PTPRD: variants seen among roughly 807,000 people sequenced by gnomAD.
The protein encoded by PTPRD is receptor-type tyrosine-protein phosphatase delta.
In PTPRD, 34 loss-of-function variants were observed where a neutral mutation model predicts 214.5. That is an observed-to-expected ratio of 0.16 (90% CI 0.12 to 0.21). The LOEUF (loss-of-function observed/expected upper bound fraction) is 0.21. PTPRD is among the 10% of genes least tolerant of loss of function. The probability of loss-of-function intolerance (pLI) is 1.00; values close to 1 mark genes in which losing one functional copy is unlikely to be tolerated. For missense variants in PTPRD, 2,545 were observed against 2,398.7 expected (o/e 1.06, Z -1.27); for synonymous variants, 1,128 against 845.7 (o/e 1.33, Z -5.79).
chr9:10,600,905 C>G (rs2077797090), intron 2 of PTPRD, among the ~76,000 whole-genome samples: 1 of 151,686 alleles, frequency 6.6e-6, no homozygotes, highest in African/African-American at 2.4e-5. Flanking sequence ...GACAGCCTCT[C>G]CAACAGAGAA....
intron 35 of PTPRD, among the ~76,000 whole-genome samples, chr9:8,425,334 C>A (rs1296462531): frequency 6.6e-6 from 1 of 152,172 alleles, no homozygotes; most frequent in Non-Finnish European, 1.5e-5. Flanking sequence ...GAAGTGATTT[C>A]CATGACTTTT....
At chr9:9,362,673 G>A (rs191370463) in intron 9 of PTPRD, among the ~76,000 whole-genome samples, 87 of 151,224 alleles carry the variant, frequency 5.8e-4, no homozygotes, top group Non-Finnish European at 9.8e-4. Flanking sequence ...GGGCCAATAC[G>A]TGCTCACAGC....
At chr9:8,351,335 A>G (rs532796081) in intron 39 of PTPRD, among the ~76,000 whole-genome samples, 1 of 152,280 alleles carries the variant, frequency 6.6e-6, no homozygotes, top group Admixed American at 6.5e-5. Flanking sequence ...AAATCAGAAT[A>G]GTTCTGAGAA....
chr9:10,023,441 G>C (rs10809012), intron 4 of PTPRD, among the ~76,000 whole-genome samples: 3 of 151,908 alleles, frequency 2.0e-5, no homozygotes, highest in Non-Finnish European at 4.4e-5. Context: ...TTCTGCACAT[G>C]ATTTCTTCCA....
At chr9:8,465,173 C>T (rs2096520959) in intron 32 of PTPRD, among the ~76,000 whole-genome samples, 1 of 151,884 alleles carries the variant, frequency 6.6e-6, no homozygotes, top group Non-Finnish European at 1.5e-5. Context: ...GTTCTAACAC[C>T]ATGATATTTG....
intron 2 of PTPRD, among the ~76,000 whole-genome samples, chr9:10,510,247 G>T (rs1347423947): frequency 6.6e-6 from 1 of 151,988 alleles, no homozygotes; most frequent in Non-Finnish European, 1.5e-5. Context: ...TGTTAATACA[G>T]TTAGAATCGT....
intron 3 of PTPRD, among the ~76,000 whole-genome samples, chr9:10,207,367 T>A (rs536557772): frequency 2.0e-5 from 3 of 152,256 alleles, no homozygotes; most frequent in African/African-American, 7.2e-5. Context: ...ATGAGAGACA[T>A]TGGTCTGTAA....
intron 12 of PTPRD, among the ~76,000 whole-genome samples, chr9:8,667,159 C>A (rs62528770): frequency 2.6e-5 from 4 of 151,968 alleles, no homozygotes; most frequent in South Asian, 2.1e-4. Context: ...GCCAACATGG[C>A]GAAACCCCAT....
chr9:9,710,371 A>G (rs775993212), intron 7 of PTPRD, among the ~76,000 whole-genome samples: 1 of 152,110 alleles, frequency 6.6e-6, no homozygotes, highest in East Asian at 1.9e-4. Flanking sequence ...TGTACTTACA[A>G]TGGGAAAGGT....
At chr9:10,328,456 T>C (rs2096686985) in intron 3 of PTPRD, among the ~76,000 whole-genome samples, 1 of 151,690 alleles carries the variant, frequency 6.6e-6, no homozygotes, top group African/African-American at 2.4e-5. Flanking sequence ...GAAATCATTT[T>C]TTAAAATGTG....
At chr9:10,204,448 C>G (rs977733752) in intron 3 of PTPRD, among the ~76,000 whole-genome samples, 1 of 152,020 alleles carries the variant, frequency 6.6e-6, no homozygotes, top group African/African-American at 2.4e-5. Context: ...GGGGAAGGAC[C>G]TCATTCATGG....
At chr9:10,534,729 G>C (rs1248109119) in intron 2 of PTPRD, among the ~76,000 whole-genome samples, 1 of 152,088 alleles carries the variant, frequency 6.6e-6, no homozygotes, top group African/African-American at 2.4e-5. Flanking sequence ...AAAAAAAGCA[G>C]ATTACTTTTA....
At chr9:8,585,316 C>T (rs1256467873) in intron 14 of PTPRD, among the ~76,000 whole-genome samples, 1 of 152,106 alleles carries the variant, frequency 6.6e-6, no homozygotes, top group African/African-American at 2.4e-5. Flanking sequence ...ATAAAAAGAA[C>T]AGGAAATTGT....
intron 12 of PTPRD, among the ~76,000 whole-genome samples, chr9:8,691,158 C>G (rs902901051): frequency 2.0e-5 from 3 of 152,002 alleles, no homozygotes; most frequent in African/African-American, 7.2e-5. Context: ...CCGAATATTC[C>G]CCATGGCCAC....
intron 37 of PTPRD, among the ~76,000 whole-genome samples, chr9:8,386,439 T>C (rs979696662): frequency 9.9e-5 from 15 of 152,220 alleles, no homozygotes; most frequent in African/African-American, 3.4e-4. Flanking sequence ...ATTTTCTTCA[T>C]GTACCATAGG....
chr9:8,949,228 A>AT (rs1481801811), intron 11 of PTPRD, among the ~76,000 whole-genome samples: 3 of 151,082 alleles, frequency 2.0e-5, no homozygotes, highest in African/African-American at 7.3e-5. Flanking sequence ...CATCTCAAAA[A>AT]AAGAAAAAAA....
intron 3 of PTPRD, among the ~76,000 whole-genome samples, chr9:10,099,087 G>C (rs1164290806): frequency 2.0e-5 from 3 of 151,720 alleles, no homozygotes; most frequent in African/African-American, 7.3e-5. Flanking sequence ...ATTAATAAAT[G>C]ACATTGCTCT....
chr9:9,073,561 A>G (rs753431173), intron 10 of PTPRD, among the ~76,000 whole-genome samples: 1 of 152,114 alleles, frequency 6.6e-6, no homozygotes, highest in South Asian at 2.1e-4. Context: ...GCTGAAGGCC[A>G]AGACTGAGGT....
At chr9:8,341,360 G>T in intron 40 of PTPRD, 92 bp from the exon 41 acceptor site, 1 of 1,335,004 alleles carries the variant, frequency 7.5e-7, no homozygotes. Flanking sequence ...TTCCCTTTTA[G>T]ATATAAATCT....
Sources: gnomAD v4.1 joint callset for allele counts (sites outside exome capture counted in the v4.1 genomes callset) on GRCh38, gnomAD v4.1.1 for gene constraint, MANE v1.5 for transcripts, NCBI Gene and HGNC (gene_info 2026-07-23, HGNC 2026-07-21) for gene names.